Variants in PCDHGB4 observed in about 807,000 individuals in gnomAD.
PCDHGB4 encodes protocadherin gamma-B4.
In PCDHGB4, 38 loss-of-function variants were observed where a neutral mutation model predicts 60.5. The ratio of observed to expected loss-of-function variants is 0.63; its 90% CI spans 0.48 to 0.82. The LOEUF is 0.82. Ranked by LOEUF, PCDHGB4 falls within the 40% of genes least tolerant of loss-of-function variation. PCDHGB4 has a pLI of 0.00. For synonymous variants in PCDHGB4, 456 were observed against 509.7 expected, an observed-to-expected ratio of 0.89 and a Z score of 1.42; for missense variants, 1,109 against 1,209.6, an observed-to-expected ratio of 0.92 and a Z score of 1.23.
intron 1 of PCDHGB4, chr5:141,395,509 G>C (rs59251876): frequency 0.091 from 39,157 of 428,204 alleles, 2,522 homozygotes; most frequent in African/African-American, 0.18. Flanking sequence ...TTAAGAAGTA[G>C]CTACCCGTCC....
At chr5:141,398,667 A>G (rs750777887) in intron 1 of PCDHGB4, 1 of 1,614,006 alleles carries the variant, frequency 6.2e-7, no homozygotes, top group Admixed American at 1.7e-5. Flanking sequence ...GTTTCTCATT[A>G]ATAATTAAGG....
Position 141,512,160 on chromosome 5 carries a change from G to A in PCDHGB4, c.*987G>A, listed in dbSNP as rs1227447365. On this transcript the variant is annotated 3_prime_UTR_variant, in exon 4 of 4. Coordinates refer to ENST00000519479, the MANE Select transcript of PCDHGB4 (RefSeq NM_003736.4). ...CAGCCAGCTTTGGGCTGAGCTAACA[G>A]GACCAATGGATTAAACTGGCATTTC... 1 of 152,730 alleles carries A rather than the reference G, an allele frequency of 6.5e-6. No individual in the cohort carries two copies. Among genetic ancestry groups the A allele is most frequent in the African/African-American group, 2.4e-5 (1 of 41,456 alleles). The allele number at this position is 152,730 out of a possible 1,614,324, so 9.5% of individuals were successfully genotyped here.
intron 1 of PCDHGB4, among the ~76,000 whole-genome samples, chr5:141,443,859 GAA>G (rs2098408229): frequency 6.6e-6 from 1 of 152,104 alleles, no homozygotes; most frequent in Non-Finnish European, 1.5e-5. Context: ...TCTGAAAACT[GAA>G]AAAATTACTG....
At chr5:141,438,649 CACAT>C (rs2098044358) in intron 1 of PCDHGB4, among the ~76,000 whole-genome samples, 1 of 100,976 alleles carries the variant, frequency 9.9e-6, no homozygotes, top group Non-Finnish European at 2.0e-5. Context: ...CACACACACA[CACAT>C]ATATGTATAT....
intron 1 of PCDHGB4, among the ~76,000 whole-genome samples, chr5:141,458,513 G>GTT (rs537551567): frequency 7.5e-5 from 11 of 146,196 alleles, no homozygotes; most frequent in African/African-American, 2.2e-4. Flanking sequence ...TTGACACTTT[G>GTT]TTTTTTTTTT....
At chr5:141,409,522 G>C in intron 1 of PCDHGB4, 4 of 1,613,992 alleles carry the variant, frequency 2.5e-6, no homozygotes, top group Non-Finnish European at 3.4e-6. Context: ...GCATCACCTT[G>C]TATGTCGCTG....
Position 141,505,566 on chromosome 5 carries a change from A to G in PCDHGB4, c.2545+85A>G, listed in dbSNP as rs1363426407. 1.4e-5 allele frequency: 22 copies of G among 1,599,886 alleles called. No individual in the cohort carries two copies. In the East Asian group the frequency reaches 4.7e-4, roughly 34 times the overall value. ...CACAGCCACCATGCCCACGGACTGGATGTCAAACCTGTGTAGTTTCTCCAG... is the reference window on the plus strand; with the variant it reads ...CACAGCCACCATGCCCACGGACTGGGTGTCAAACCTGTGTAGTTTCTCCAG... On this transcript the variant is annotated intron_variant, in intron 3 of 3. Coordinates refer to ENST00000519479, the MANE Select transcript of PCDHGB4 (RefSeq NM_003736.4).
In PCDHGB4 at chr5:141,431,304, T is replaced by G. The variant is rs749116196; in HGVS notation, c.2397+41023T>G. The G allele has an allele frequency of 7.4e-6, 12 of 1,614,104 alleles. No individual in the cohort carries two copies. Among genetic ancestry groups the G allele is most frequent in the Non-Finnish European group, 9.3e-6 (11 of 1,180,030 alleles). On this transcript the variant is annotated intron_variant, in intron 1 of 3. Coordinates refer to ENST00000519479, the MANE Select transcript of PCDHGB4 (RefSeq NM_003736.4). The surrounding 1 kb of genome is among the most constrained non-coding windows in gnomAD (Gnocchi z 4.8). ...CCGAACACTCACTTCTCCCTCATCGTGCAAAATGGAGCCGACGGTAGTAAG... is the reference window on the plus strand; with the variant it reads ...CCGAACACTCACTTCTCCCTCATCGGGCAAAATGGAGCCGACGGTAGTAAG...
rs778819723 is a variant in PCDHGB4 at position 141,398,637 on chromosome 5, T to C, written c.2397+8356T>C. 1.9e-6 allele frequency: 3 copies of C among 1,613,908 alleles called. No homozygotes were observed. The African/African-American group carries it at 4.0e-5, about 22-fold the overall frequency. On this transcript the variant is annotated intron_variant, in intron 1 of 3. Transcript: ENST00000519479. ...TTGGCTTAAACTCTCTGCAGAAGTATAAACTCTCTCTTAACCCAAGTTTCT... is the reference window on the plus strand; with the variant it reads ...TTGGCTTAAACTCTCTGCAGAAGTACAAACTCTCTCTTAACCCAAGTTTCT...
Position 141,431,364 on chromosome 5 carries a change from G to T in PCDHGB4, c.2397+41083G>T, listed in dbSNP as rs773688069. 3 of 1,613,892 alleles carry T rather than the reference G, an allele frequency of 1.9e-6. No individual in the cohort carries two copies. The East Asian group carries it at 6.7e-5, about 36-fold the overall frequency. ...TTGGTGCTGAAACGCGCCCTGGACC[G>T]CGAAGAAAAGGCTGCTCACCACCTG... On this transcript the variant is annotated intron_variant, in intron 1 of 3. Coordinates refer to ENST00000519479, the MANE Select transcript of PCDHGB4 (RefSeq NM_003736.4). The surrounding 1 kb of genome is among the most constrained non-coding windows in gnomAD (Gnocchi z 4.8).
rs145569377 is a variant in PCDHGB4 at position 141,455,860 on chromosome 5, ATTATTTATTTATTTATTTATTTATTTAT to A, written c.2398-38920_2398-38893del. Among the ~76,000 whole-genome samples the A allele has an allele frequency of 5.0e-5, 7 of 139,848 alleles. No individual in the cohort carries two copies. The South Asian group carries it at 9.2e-4, about 18-fold the overall frequency. 91.7% of individuals were successfully genotyped at this position (139,848 alleles called of 152,430 possible). On this transcript the variant is annotated intron_variant, in intron 1 of 3. Transcript: ENST00000519479. ...CTATCTGCATAAAATAATTTCTTTT[ATTATTTATTTATTTATTTATTTATTTAT>A]TTATTTATTTATTTATTTATTTATT...
At chr5:141,394,982 C>CCTGCTCCA (rs2093142772) in intron 1 of PCDHGB4, 2 of 1,613,866 alleles carry the variant, frequency 1.2e-6, no homozygotes, top group South Asian at 2.2e-5. Flanking sequence ...ACAAGTCACG[C>CCTGCTCCA]CTGCTCCAGG....
rs200900873 is a variant in PCDHGB4 at position 141,510,902 on chromosome 5, G to A, written c.2546-45G>A. On this transcript the variant is annotated intron_variant, in intron 3 of 3. Transcript: ENST00000519479. ...GGGGATATAAGACAGTGACTGTTGAGGACCCTAAGTTTAGCTCCCACCTGA... is the reference window on the plus strand; with the variant it reads ...GGGGATATAAGACAGTGACTGTTGAAGACCCTAAGTTTAGCTCCCACCTGA... The A allele has an allele frequency of 1.5e-3, 2,449 of 1,613,462 alleles. 7 individuals carry two copies. The highest frequency in any genetic ancestry group is 1.9e-3 in the Non-Finnish European group (2,206 of 1,179,758).
intron 1 of PCDHGB4, among the ~76,000 whole-genome samples, chr5:141,469,436 G>T (rs556417221): frequency 6.6e-6 from 1 of 152,002 alleles, no homozygotes; most frequent in Non-Finnish European, 1.5e-5. Flanking sequence ...TTAGCTGGGC[G>T]TGGTGGTGCA....
chr5:141,464,053 T>C (rs111614367), intron 1 of PCDHGB4, among the ~76,000 whole-genome samples: 9,857 of 152,054 alleles, frequency 0.065, 668 homozygotes, highest in African/African-American at 0.17. Flanking sequence ...TCACCTGAGG[T>C]CAGGAGTTCA....
At chr5:141,480,059 T>G (rs1169389701) in intron 1 of PCDHGB4, among the ~76,000 whole-genome samples, 1 of 152,096 alleles carries the variant, frequency 6.6e-6, no homozygotes, top group African/African-American at 2.4e-5. Context: ...GAATAATAAG[T>G]GTTTTATAAG....
At position 141,485,677 on chromosome 5, in the gene PCDHGB4, C is replaced by T. The variant is rs757797282; in HGVS notation, c.2398-9130C>T. ...CAGATGTGGGGAGCAATTCGATTAG[C>T]AGCTATAGGCTGAGCTCCAATGAAC... On this transcript the variant is annotated intron_variant, in intron 1 of 3. Transcript: ENST00000519479. This position sits in a 1 kb window ranked among gnomAD's most constrained non-coding sequence, Gnocchi z 5.7. 2.4e-5 allele frequency: 38 copies of T among 1,612,714 alleles called. No individual in the cohort carries two copies. In the East Asian group the frequency reaches 7.8e-4, roughly 33 times the overall value.
chr5:141,463,990 G>C (rs2099073582), intron 1 of PCDHGB4, among the ~76,000 whole-genome samples: 1 of 151,990 alleles, frequency 6.6e-6, no homozygotes, highest in Admixed American at 6.6e-5. Context: ...TAAAAACCAG[G>C]TGCAGTGGCT....
At chr5:141,427,294 AT>A (rs2097012877) in intron 1 of PCDHGB4, 1 of 456,758 alleles carries the variant, frequency 2.2e-6, no homozygotes, top group Non-Finnish European at 4.4e-6. Flanking sequence ...GAAATCCTAG[AT>A]GAGAATGACA....
Sources: gnomAD v4.1 joint callset for allele counts (sites outside exome capture counted in the v4.1 genomes callset) on GRCh38, gnomAD v4.1.1 for gene constraint, Gnocchi (gnomAD v3.1) non-coding constraint, MANE v1.5 for transcripts, NCBI Gene and HGNC (gene_info 2026-07-23, HGNC 2026-07-21) for gene names.